EPC2: variants seen among roughly 807,000 people sequenced by gnomAD.
EPC2 encodes the protein enhancer of polycomb 2.
In EPC2, 14 loss-of-function variants were observed where a neutral mutation model predicts 92.1. That is an observed-to-expected ratio of 0.15 (90% CI 0.10 to 0.24). The LOEUF (loss-of-function observed/expected upper bound fraction) is 0.24, where lower values mean the gene tolerates loss of function less well. Among genes scored for constraint, EPC2 ranks in the 10% least tolerant of loss-of-function variants. The pLI is 1.00. For synonymous variants in EPC2, 340 were observed against 334.7 expected (o/e 1.02, Z -0.17); for missense variants, 755 against 971.5 (o/e 0.78, Z 2.96).
intron 2 of EPC2, among the ~76,000 whole-genome samples, chr2:148,743,271 T>C (rs1375559116): frequency 6.6e-6 from 1 of 152,214 alleles, no homozygotes; most frequent in Non-Finnish European, 1.5e-5. Flanking sequence ...TACTCTGTTC[T>C]TGAGCTTGTT....
At chr2:148,700,181 A>G (rs937686640) in intron 2 of EPC2, among the ~76,000 whole-genome samples, 2 of 152,098 alleles carry the variant, frequency 1.3e-5, no homozygotes, top group Non-Finnish European at 2.9e-5. Context: ...TTGTCTTTTC[A>G]TTCACTAACA....
chr2:148,740,333 G>T (rs1178551124), intron 2 of EPC2, among the ~76,000 whole-genome samples: 2 of 151,218 alleles, frequency 1.3e-5, no homozygotes, highest in African/African-American at 4.9e-5. Context: ...GGAGATAATA[G>T]AACCTGAGGT....
rs56911412 is a variant in EPC2, at chr2:148,663,592, ATTTTTTTTTTTTTTTT to A, written c.153+18435_153+18450del. 2.2e-4 allele frequency among the ~76,000 whole-genome samples: 16 copies of A among 74,366 alleles called. No individual in the cohort carries two copies. The South Asian group carries it at 3.3e-3, about 15-fold the overall frequency. 48.8% of individuals were successfully genotyped at this position (74,366 alleles called of 152,430 possible). ...TTCCAGTTTTACTATATAGATTAAG[ATTTTTTTTTTTTTTTT>A]TTTTTTTTTTTTGGTAAGAATCTAT... On this transcript the variant is annotated intron_variant, in intron 1 of 13. Coordinates refer to ENST00000258484, the MANE Select transcript of EPC2 (RefSeq NM_015630.4).
At chr2:148,758,430 C>CAG (rs1254377189) in intron 4 of EPC2, among the ~76,000 whole-genome samples, 1 of 152,102 alleles carries the variant, frequency 6.6e-6, no homozygotes, top group Non-Finnish European at 1.5e-5. Flanking sequence ...GAGTCTCACT[C>CAG]TGTTGCCCAG....
chr2:148,737,806 T>A (rs1682793917), intron 2 of EPC2, among the ~76,000 whole-genome samples: 1 of 151,666 alleles, frequency 6.6e-6, no homozygotes, highest in South Asian at 2.1e-4. Flanking sequence ...TGATAGCCGA[T>A]GAGCTTAAAA....
At position 148,745,848 on chromosome 2, in the gene EPC2, C is replaced by T. The variant is rs141242391; in HGVS notation, c.459+2081C>T. Among the ~76,000 whole-genome samples, 138 of 152,048 alleles carry T rather than the reference C, an allele frequency of 9.1e-4. 1 individual carries two copies. The East Asian group carries it at 0.014, about 15-fold the overall frequency. ...TACTATTTATTAGGTTAACAGAAAA[C>T]GACAAAAGATAGACTTAGGCAAACC... On this transcript the variant is annotated intron_variant, in intron 3 of 13. Coordinates refer to ENST00000258484, the MANE Select transcript of EPC2 (RefSeq NM_015630.4).
At chr2:148,645,344 C>G (rs901382315) in intron 1 of EPC2, 174 bp downstream of exon 1, 3 of 570,048 alleles carry the variant, frequency 5.3e-6, no homozygotes, top group Non-Finnish European at 9.3e-6. Context: ...GCGTAGCGCC[C>G]GCCCGCGGCC....
chr2:148,695,723 T>C (rs1192431594), intron 2 of EPC2, among the ~76,000 whole-genome samples: 3 of 152,316 alleles, frequency 2.0e-5, no homozygotes, highest in South Asian at 2.1e-4. Context: ...GTAAGACTTA[T>C]TGGTAGAAAG....
chr2:148,686,823 C>A (rs1320013908), intron 1 of EPC2, among the ~76,000 whole-genome samples: 1 of 152,096 alleles, frequency 6.6e-6, no homozygotes, highest in Admixed American at 6.5e-5. Flanking sequence ...ATTTATTAAA[C>A]CTGTAGAGCA....
chr2:148,754,107 A>G lies in EPC2; in HGVS notation c.640A>G (p.Arg214Gly). Residue 214 changes from arginine to glycine, a missense_variant, in exon 4 of 14, where the codon AGA (arginine) becomes GGA (glycine). Coordinates refer to ENST00000258484, the MANE Select transcript of EPC2 (RefSeq NM_015630.4). ...TGACCCTTATGTTGCCTTTCGGAGAAGAACAGAGAAAATGCAAACTCGAAA... is the reference window on the plus strand; with the variant it reads ...TGACCCTTATGTTGCCTTTCGGAGAGGAACAGAGAAAATGCAAACTCGAAA... The part of the protein sequence containing the change: ...NNDPYVAFRR[R>G]TEKMQTRKNR... 2 of 1,606,264 alleles carry G rather than the reference A, an allele frequency of 1.2e-6. No homozygotes were observed. The highest frequency in any genetic ancestry group is 1.7e-6 in the Non-Finnish European group (2 of 1,176,312).
At chr2:148,718,646 C>T (rs1363072749) in intron 2 of EPC2, among the ~76,000 whole-genome samples, 3 of 151,960 alleles carry the variant, frequency 2.0e-5, no homozygotes, top group Admixed American at 1.3e-4. Context: ...GTGACCTGGC[C>T]CTTCTCTCTG....
chr2:148,654,832 C>T (rs115547227), intron 1 of EPC2, among the ~76,000 whole-genome samples: 1,779 of 152,122 alleles, frequency 0.012, 32 homozygotes, highest in African/African-American at 0.038. Context: ...TCACTTAATC[C>T]GTAGAGTAAT....
intron 2 of EPC2, among the ~76,000 whole-genome samples, chr2:148,691,378 C>G (rs1415627763): frequency 1.3e-5 from 2 of 152,190 alleles, no homozygotes; most frequent in African/African-American, 4.8e-5. Flanking sequence ...AAGTATCCAC[C>G]TGTCTGACAA....
At chr2:148,781,513 T>G (rs747090867) in intron 10 of EPC2, 131 bp from the exon 11 acceptor site, 487 of 852,202 alleles carry the variant, frequency 5.7e-4, no homozygotes, top group Non-Finnish European at 7.6e-4. Context: ...TTAGATTATT[T>G]TCTGATATTC....
intron 1 of EPC2, among the ~76,000 whole-genome samples, chr2:148,685,718 G>A (rs1184150136): frequency 6.6e-6 from 1 of 152,338 alleles, no homozygotes; most frequent in Admixed American, 6.5e-5. Flanking sequence ...AGTGAGCCAA[G>A]ATTGCGCCAC....
intron 4 of EPC2, among the ~76,000 whole-genome samples, chr2:148,757,208 C>T (rs1683208029): frequency 6.6e-6 from 1 of 151,632 alleles, no homozygotes; most frequent in Non-Finnish European, 1.5e-5. Flanking sequence ...AATGCCATCT[C>T]CACTAAAAAT....
chr2:148,656,001 CTGTG>C (rs1553537658), intron 1 of EPC2, among the ~76,000 whole-genome samples: 12 of 59,922 alleles, frequency 2.0e-4, no homozygotes, highest in African/African-American at 7.7e-4. Context: ...CTGCTGTTAG[CTGTG>C]TGTGTGTGTG....
At chr2:148,658,369 G>A (rs1039775340) in intron 1 of EPC2, among the ~76,000 whole-genome samples, 1 of 151,984 alleles carries the variant, frequency 6.6e-6, no homozygotes, top group Non-Finnish European at 1.5e-5. Context: ...TGAAAAACAT[G>A]GTACAAGTAG....
chr2:148,776,078 G>A (rs1683639607), intron 10 of EPC2, among the ~76,000 whole-genome samples: 1 of 151,992 alleles, frequency 6.6e-6, no homozygotes, highest in South Asian at 2.1e-4. Flanking sequence ...ACCGCGCCCG[G>A]CCAATATGAC....
Sources: gnomAD v4.1 joint callset for allele counts (sites outside exome capture counted in the v4.1 genomes callset) on GRCh38, gnomAD v4.1.1 for gene constraint, MANE v1.5 for transcripts, NCBI Gene and HGNC (gene_info 2026-07-23, HGNC 2026-07-21) for gene names.